CDCA8: variants seen among roughly 807,000 people sequenced by gnomAD.
CDCA8 encodes the protein borealin.
CDCA8 carries 25 observed loss-of-function variants against 40.0 expected under a neutral mutation model. That is an observed-to-expected ratio of 0.63 (90% CI 0.46 to 0.87). The LOEUF (loss-of-function observed/expected upper bound fraction) is 0.87, where lower values mean the gene tolerates loss of function less well. CDCA8 is among the 40% of genes least tolerant of loss of function. The pLI, the probability that CDCA8 is intolerant of heterozygous loss-of-function variation, is 0.00. For missense variants in CDCA8, 280 were observed against 348.4 expected, an observed-to-expected ratio of 0.80 and a Z score of 1.56; for synonymous variants, 111 against 126.5, an observed-to-expected ratio of 0.88 and a Z score of 0.82.
intron 9 of CDCA8, 149 bp downstream of exon 9, chr1:37,707,213 C>A: frequency 1.6e-6 from 1 of 619,444 alleles, no homozygotes. Context: ...GACTCTTACC[C>A]TACTTAGATA....
intron 4 of CDCA8, among the ~76,000 whole-genome samples, chr1:37,699,595 GGAAAGGAAA>G (rs1557516847): frequency 1.6e-4 from 1 of 6,168 alleles, no homozygotes; most frequent in Non-Finnish European, 2.4e-4. Context: ...AGAAAGGAAA[GGAAAGGAAA>G]GGAAAGGAAA....
At chr1:37,708,297 A>G (rs763363895) in intron 9 of CDCA8, 25 bp from the exon 10 acceptor site, 4 of 1,606,094 alleles carry the variant, frequency 2.5e-6, no homozygotes, top group Non-Finnish European at 3.4e-6. Context: ...ATCTTCTACA[A>G]TGACCTCTCT....
intron 6 of CDCA8, 80 bp from the exon 7 acceptor site, chr1:37,703,168 TCAGC>T (rs1402909813): frequency 9.6e-7 from 1 of 1,037,408 alleles, no homozygotes; most frequent in African/African-American, 1.6e-5. Context: ...TATCTCACAG[TCAGC>T]TCTCCACGTG....
rs1467503586 is a variant in CDCA8, at chr1:37,702,767, C to T, written c.489-485C>T. On this transcript the variant is annotated intron_variant, in intron 6 of 9. Transcript: ENST00000373055. Reference sequence around the variant, plus strand: ...AGGAGTTTGAGACCCGCCTGGCCAACATGGTGAAACCCTGTCTCTACTAAA... The same window carrying T: ...AGGAGTTTGAGACCCGCCTGGCCAATATGGTGAAACCCTGTCTCTACTAAA... Among the ~76,000 whole-genome samples, 4 of 152,116 alleles carry T rather than the reference C, an allele frequency of 2.6e-5. No individual in the cohort carries two copies. In the East Asian group the frequency reaches 5.8e-4, roughly 22 times the overall value.
At chr1:37,707,798 G>T (rs775999726) in intron 9 of CDCA8, among the ~76,000 whole-genome samples, 1 of 152,222 alleles carries the variant, frequency 6.6e-6, no homozygotes, top group African/African-American at 2.4e-5. Flanking sequence ...TCCAGCCTGG[G>T]TGACAGAGAA....
In CDCA8 at chr1:37,692,582, C is replaced by G. The variant is rs181677175; in HGVS notation, c.-109C>G. 1.2e-6 allele frequency: 1 copy of G among 826,492 alleles called. No homozygotes were observed. Among genetic ancestry groups the G allele is most frequent in the South Asian group, 1.5e-5 (1 of 68,296 alleles). The allele number at this position is 826,492 out of a possible 1,614,324, so 51.2% of individuals were successfully genotyped here. On this transcript the variant is annotated 5_prime_UTR_variant, in exon 1 of 10. Transcript: ENST00000373055. The stretch of plus-strand genomic sequence containing the variant: ...AGCCCTTGTCTCGGGACCGCAGGTA[C>G]GTGCCTGGCGACTTCTTCGGGTGGT...
At chr1:37,695,777 A>C in intron 2 of CDCA8, 133 bp from the exon 3 acceptor site, 1 of 656,912 alleles carries the variant, frequency 1.5e-6, no homozygotes, top group South Asian at 2.0e-5. Context: ...ACTTGGAGAA[A>C]GAATAGATTA....
intron 2 of CDCA8, among the ~76,000 whole-genome samples, chr1:37,693,788 A>G (rs907725390): frequency 6.6e-6 from 1 of 152,180 alleles, no homozygotes; most frequent in Non-Finnish European, 1.5e-5. Context: ...GAGCTCAGAT[A>G]GAAGAATAAC....
chr1:37,692,627 C>A lies in CDCA8; in HGVS notation c.-64C>A. The A allele has an allele frequency of 7.5e-7, 1 of 1,336,560 alleles. No homozygotes were observed. Among genetic ancestry groups the A allele is most frequent in the South Asian group, 1.2e-5 (1 of 82,450 alleles). 82.8% of individuals were successfully genotyped at this position (1,336,560 alleles called of 1,614,324 possible). A position where few individuals can be genotyped will look rare whatever the true frequency, so the allele number is the denominator to read the frequency against. ...GGTGGTCCCCGTCCGCCCTCCTCGT[C>A]CCTACCCAGTTTCTTGCTTCCCTGC... On this transcript the variant is annotated 5_prime_UTR_variant, in exon 1 of 10. Transcript: ENST00000373055.
chr1:37,702,816 G>A (rs956353961), intron 6 of CDCA8, among the ~76,000 whole-genome samples: 10 of 152,092 alleles, frequency 6.6e-5, no homozygotes, highest in African/African-American at 2.4e-4. Context: ...GCCAGGTGTG[G>A]TGGTGCATGC....
rs2148287280 is a variant in CDCA8, at chr1:37,698,849, T to C, written c.265-56T>C. ...TAAAAAAGTTTTTATCTTGAAATATTGTTCCTCATATTTTGGTGGAATAAG... is the reference window on the plus strand; with the variant it reads ...TAAAAAAGTTTTTATCTTGAAATATCGTTCCTCATATTTTGGTGGAATAAG... On this transcript the variant is annotated intron_variant, in intron 3 of 9. Coordinates refer to ENST00000373055, the MANE Select transcript of CDCA8 (RefSeq NM_001256875.2). 22 of 1,145,858 alleles carry C rather than the reference T, an allele frequency of 1.9e-5. No homozygotes were observed. In the South Asian group the frequency reaches 2.7e-4, roughly 14 times the overall value. The allele number at this position is 1,145,858 out of a possible 1,614,324, so 71.0% of individuals were successfully genotyped here.
chr1:37,693,957 G>C (rs997914891), intron 2 of CDCA8, among the ~76,000 whole-genome samples: 2 of 151,958 alleles, frequency 1.3e-5, no homozygotes, highest in African/African-American at 2.4e-5. Context: ...GACCAACATG[G>C]AGAAACCCTG....
chr1:37,696,142 G>A lies in CDCA8; in HGVS notation c.264+192G>A, dbSNP rs1645525167. On this transcript the variant is annotated intron_variant, in intron 3 of 9. Transcript: ENST00000373055. The surrounding 1 kb of genome is among the most constrained non-coding windows in gnomAD (Gnocchi z 5.0). ...GATAGTTCTGAGCCCTACAGAAGGT[G>A]GCAGTTCTGTTTTTGACCAATTTCT... is the stretch of plus-strand genomic sequence containing the variant. Among the ~76,000 whole-genome samples the A allele has an allele frequency of 6.6e-6, 1 of 152,170 alleles. No homozygotes were observed. The highest frequency in any genetic ancestry group is 1.5e-5 in the Non-Finnish European group (1 of 68,026).
intron 8 of CDCA8, among the ~76,000 whole-genome samples, chr1:37,706,088 C>T (rs1645599241): frequency 6.9e-6 from 1 of 145,320 alleles, no homozygotes; most frequent in Non-Finnish European, 1.5e-5. Context: ...GGATTACAGG[C>T]ATGAGCCACC....
chr1:37,693,627 G>C (rs369726779), intron 2 of CDCA8, among the ~76,000 whole-genome samples: 2 of 152,076 alleles, frequency 1.3e-5, no homozygotes, highest in Admixed American at 6.5e-5. Context: ...TCGAACTCCT[G>C]ACCTCAAGTG....
chr1:37,692,725 A>C lies in CDCA8; in HGVS notation c.35A>C (p.Lys12Thr), dbSNP rs368533643. 7 of 1,613,344 alleles carry C rather than the reference A, an allele frequency of 4.3e-6. No homozygotes were observed. Among genetic ancestry groups the C allele is most frequent in the Non-Finnish European group, 5.9e-6 (7 of 1,180,016 alleles). ...AGGAAGGGCAGTAGTCGGGTGGCCA[A>C]GACCAACTCCTTACGGAGGCGGAAG... ...APRKGSSRVA[K>T]TNSLRRRKLA... The change falls in exon 1 of 10, where the codon AAG becomes ACG. Residue 12 changes from lysine (K) to threonine (T), a missense_variant. Lys to Thr is a moderately conservative substitution (Grantham distance 78). Coordinates refer to ENST00000373055, the MANE Select transcript of CDCA8 (RefSeq NM_001256875.2).
intron 8 of CDCA8, 85 bp downstream of exon 8, chr1:37,705,652 C>A (rs1645594314): frequency 6.6e-7 from 1 of 1,506,652 alleles, no homozygotes; most frequent in Non-Finnish European, 9.1e-7. Context: ...CACGCTTCAC[C>A]CTCAGAGTCC....
Position 37,706,958 on chromosome 1 carries a change from C to T in CDCA8, c.712-20C>T, listed in dbSNP as rs1645606059. 1 of 1,607,690 alleles carries T rather than the reference C, an allele frequency of 6.2e-7. No individual in the cohort carries two copies. The highest frequency in any genetic ancestry group is 2.2e-5 in the East Asian group (1 of 44,840). Reference sequence around the variant, plus strand: ...CCCTAAGGGCCATGGCCAGTTTAACCCACTCCCCTTTCTATTCAGAGCCTG... The same window carrying T: ...CCCTAAGGGCCATGGCCAGTTTAACTCACTCCCCTTTCTATTCAGAGCCTG... On this transcript the variant is annotated intron_variant, in intron 8 of 9. Transcript: ENST00000373055.
chr1:37,698,927 TAAAC>T lies in CDCA8; in HGVS notation c.292_295del (p.Lys98Ter). On this transcript the variant is annotated frameshift_variant, in exon 4 of 10. Coordinates refer to ENST00000373055, the MANE Select transcript of CDCA8 (RefSeq NM_001256875.2). LOFTEE classifies it high-confidence loss of function. ...TAGGCTGACCTGGATATCACCGAAA[TAAAC>T]AAACTAACAGCAGAAGCTATTCAGA... The T allele has an allele frequency of 1.9e-6, 3 of 1,613,866 alleles. No homozygotes were observed. The highest frequency in any genetic ancestry group is 2.5e-6 in the Non-Finnish European group (3 of 1,179,750).
Sources: allele counts gnomAD v4.1 joint callset (sites outside exome capture counted in the v4.1 genomes callset), GRCh38; gene constraint gnomAD v4.1.1; non-coding constraint Gnocchi (gnomAD v3.1); transcripts MANE v1.5; gene names NCBI Gene and HGNC (gene_info 2026-07-23, HGNC 2026-07-21).